LRBA: variants seen among roughly 807,000 people sequenced by gnomAD.
LRBA encodes LPS responsive beige-like anchor protein.
In LRBA, 176 loss-of-function variants were observed where a neutral mutation model predicts 330.0. The observed-to-expected ratio is 0.53, with a 90% CI of 0.47 to 0.60. The LOEUF is 0.60. Among genes scored for constraint, LRBA ranks in the 20% least tolerant of loss-of-function variants. LRBA has a pLI of 0.00. For synonymous variants in LRBA, 1,230 were observed against 1,193.0 expected (o/e 1.03, Z -0.64); for missense variants, 3,259 against 3,444.8 (o/e 0.95, Z 1.35).
intron 46 of LRBA, among the ~76,000 whole-genome samples, chr4:150,416,981 T>C (rs541456824): frequency 2.0e-5 from 2 of 97,568 alleles, no homozygotes; most frequent in African/African-American, 3.1e-5. Flanking sequence ...ACGTTACCAG[T>C]TGGACAAAAT....
intron 37 of LRBA, among the ~76,000 whole-genome samples, chr4:150,648,540 A>G (rs1581919353): frequency 6.6e-6 from 1 of 152,052 alleles, no homozygotes; most frequent in East Asian, 1.9e-4. Flanking sequence ...CATTGTGACA[A>G]TCAAAAACAT....
chr4:150,675,755 A>C (rs1782477625), intron 37 of LRBA, among the ~76,000 whole-genome samples: 1 of 152,132 alleles, frequency 6.6e-6, no homozygotes. Context: ...TAATTAAATA[A>C]AAATACTTGG....
intron 43 of LRBA, 103 bp from the exon 44 acceptor site, chr4:150,467,888 C>T (rs1383784302): frequency 4.7e-5 from 25 of 536,254 alleles, no homozygotes; most frequent in Non-Finnish European, 2.7e-5. Context: ...TTTTTGATTG[C>T]CAGACATCAT....
At chr4:150,593,689 T>C (rs1038345508) in intron 38 of LRBA, among the ~76,000 whole-genome samples, 1 of 152,160 alleles carries the variant, frequency 6.6e-6, no homozygotes, top group African/African-American at 2.4e-5. Context: ...AATCTAAAAT[T>C]GATGAACATG....
intron 47 of LRBA, among the ~76,000 whole-genome samples, chr4:150,391,948 T>A (rs1179521490): frequency 1.7e-5 from 2 of 117,314 alleles, no homozygotes; most frequent in Non-Finnish European, 1.7e-5. Context: ...AAAATAAGAA[T>A]CTGATTGATA....
chr4:150,717,905 TC>T (rs1728448281), intron 36 of LRBA, among the ~76,000 whole-genome samples: 1 of 151,848 alleles, frequency 6.6e-6, no homozygotes, highest in South Asian at 2.1e-4. Context: ...TCACATAGAT[TC>T]CTAAAAGAAA....
At chr4:150,842,000 G>A (rs1276465739) in intron 28 of LRBA, among the ~76,000 whole-genome samples, 1 of 152,106 alleles carries the variant, frequency 6.6e-6, no homozygotes, top group Non-Finnish European at 1.5e-5. Flanking sequence ...TCCCTAAAGA[G>A]ACTAAACTCT....
chr4:151,000,864 G>C (rs1376538358), intron 2 of LRBA, among the ~76,000 whole-genome samples: 1 of 152,234 alleles, frequency 6.6e-6, no homozygotes, highest in Non-Finnish European at 1.5e-5. Context: ...AGAAAGGAAG[G>C]AGAGGGAAAC....
chr4:150,700,666 G>C (rs1350353842), intron 36 of LRBA, among the ~76,000 whole-genome samples: 1 of 151,566 alleles, frequency 6.6e-6, no homozygotes, highest in Non-Finnish European at 1.5e-5. Flanking sequence ...TTTTAAAATT[G>C]TTTAACTCTT....
At chr4:150,865,928 C>T (rs1235113320) in intron 22 of LRBA, among the ~76,000 whole-genome samples, 3 of 152,044 alleles carry the variant, frequency 2.0e-5, no homozygotes, top group Admixed American at 1.3e-4. Context: ...GTTGGCCAGG[C>T]TAGTCTCCAA....
chr4:150,452,514 C>T (rs997966603), intron 44 of LRBA, among the ~76,000 whole-genome samples: 2 of 151,378 alleles, frequency 1.3e-5, no homozygotes, highest in Non-Finnish European at 2.9e-5. Flanking sequence ...GTCAGCTACT[C>T]GGGAGGCTGA....
intron 37 of LRBA, among the ~76,000 whole-genome samples, chr4:150,608,109 G>A (rs1028728215): frequency 2.0e-5 from 3 of 152,152 alleles, no homozygotes; most frequent in African/African-American, 7.2e-5. Context: ...TACTTGGGAA[G>A]CAGAGGTGGG....
chr4:150,519,703 G>A (rs1003698728), intron 40 of LRBA, among the ~76,000 whole-genome samples: 13 of 152,238 alleles, frequency 8.5e-5, no homozygotes, highest in African/African-American at 3.1e-4. Flanking sequence ...AGTCCTCTTG[G>A]ACAAATATTT....
chr4:150,648,158 C>CAAAAAAAAAAAAAAAAAAAAAA lies in LRBA; in HGVS notation c.5921+35392_5921+35393insTTTTTTTTTTTTTTTTTTTTTT. Among the ~76,000 whole-genome samples, 119 of 18,010 alleles carry CAAAAAAAAAAAAAAAAAAAAAA rather than the reference C, an allele frequency of 6.6e-3. 25 individuals carry two copies. The highest frequency in any genetic ancestry group is 0.021 in the East Asian group (8 of 390). 11.8% of individuals were successfully genotyped at this position (18,010 alleles called of 152,430 possible). On this transcript the variant is annotated intron_variant, in intron 37 of 56. Coordinates refer to ENST00000651943, the MANE Select transcript of LRBA (RefSeq NM_001364905.1). ...TCAGAAGAGAAAGGAACACAAGTAG[C>CAAAAAAAAAAAAAAAAAAAAAA]AAAAAAAAAAAAAAAAAAACTAGAA...
chr4:150,685,939 T>C (rs766725249), intron 36 of LRBA, among the ~76,000 whole-genome samples: 3 of 151,976 alleles, frequency 2.0e-5, no homozygotes, highest in Admixed American at 1.3e-4. Flanking sequence ...GTAGAACGAG[T>C]AATAGTCTGA....
At chr4:150,292,176 G>T (rs577269045) in intron 53 of LRBA, among the ~76,000 whole-genome samples, 19 of 152,276 alleles carry the variant, frequency 1.2e-4, no homozygotes, top group African/African-American at 4.3e-4. Flanking sequence ...CCTGAAAGAA[G>T]AGAAAAGAGG....
At chr4:150,951,026 A>G (rs1293655832) in intron 2 of LRBA, among the ~76,000 whole-genome samples, 1 of 152,206 alleles carries the variant, frequency 6.6e-6, no homozygotes, top group Non-Finnish European at 1.5e-5. Flanking sequence ...CTTCCAGCAG[A>G]TATGTTCCCT....
chr4:151,009,152 G>A (rs895923771), intron 2 of LRBA, among the ~76,000 whole-genome samples: 16 of 149,404 alleles, frequency 1.1e-4, no homozygotes, highest in African/African-American at 3.0e-4. Context: ...TTATAGGCAT[G>A]AGCCACTGTG....
At chr4:150,930,683 A>T (rs1734396639) in intron 2 of LRBA, among the ~76,000 whole-genome samples, 1 of 152,182 alleles carries the variant, frequency 6.6e-6, no homozygotes, top group East Asian at 1.9e-4. Flanking sequence ...ACTGAAAAAA[A>T]TGGAAATGAA....
Sources: gnomAD v4.1 joint callset for allele counts (sites outside exome capture counted in the v4.1 genomes callset) on GRCh38, gnomAD v4.1.1 for gene constraint, MANE v1.5 for transcripts, NCBI Gene and HGNC (gene_info 2026-07-23, HGNC 2026-07-21) for gene names.